Variants in NRG1 observed in about 807,000 individuals in gnomAD.
The protein encoded by NRG1 is neuregulin 1.
NRG1 carries 18 observed loss-of-function variants against 63.8 expected under a neutral mutation model. The observed-to-expected ratio is 0.28, with a 90% confidence interval of 0.19 to 0.42. NRG1 has a LOEUF of 0.42. Ranked by LOEUF, NRG1 falls within the 10% of genes least tolerant of loss-of-function variation. The probability of loss-of-function intolerance (pLI) is 1.00; values close to 1 mark genes in which losing one functional copy is unlikely to be tolerated. For synonymous variants in NRG1, 302 were observed against 301.3 expected (o/e 1.00, Z -0.02); for missense variants, 762 against 814.7 (o/e 0.94, Z 0.79).
intron 1 of NRG1, among the ~76,000 whole-genome samples, chr8:31,962,827 G>A (rs1379543212): frequency 6.6e-6 from 1 of 152,122 alleles, no homozygotes; most frequent in African/African-American, 2.4e-5. Flanking sequence ...TCTCCCTGAA[G>A]CTTGGGAGCT....
intron 1 of NRG1, among the ~76,000 whole-genome samples, chr8:32,581,294 G>T (rs1370512656): frequency 6.6e-6 from 1 of 152,192 alleles, no homozygotes; most frequent in African/African-American, 2.4e-5. Flanking sequence ...GCCAGAAGAA[G>T]AATATAGAGC....
At chr8:32,499,038 T>G (rs1827550309) in intron 1 of NRG1, among the ~76,000 whole-genome samples, 1 of 152,158 alleles carries the variant, frequency 6.6e-6, no homozygotes, top group East Asian at 1.9e-4. Context: ...AAGATTTGGG[T>G]TAGTTCCTGA....
intron 1 of NRG1, among the ~76,000 whole-genome samples, chr8:32,497,849 G>A (rs1156533800): frequency 6.6e-6 from 1 of 152,140 alleles, no homozygotes. Context: ...TTGAGACAGA[G>A]TTTCACTCTT....
chr8:32,178,980 C>T (rs1208422573), intron 1 of NRG1, among the ~76,000 whole-genome samples: 1 of 151,678 alleles, frequency 6.6e-6, no homozygotes, highest in Admixed American at 6.6e-5. Flanking sequence ...TGTGAAGAAC[C>T]ACATGCTCTT....
rs768369747 is a variant in NRG1, at chr8:31,758,535, AT to A, written c.37+119105del. ...ACACACCATGGAATACTGTGCAGCCATAAAAAAGGATGAGTTCATGTCCTTT... is the reference window on the plus strand; with the variant it reads ...ACACACCATGGAATACTGTGCAGCCAAAAAAAGGATGAGTTCATGTCCTTT... On this transcript the variant is annotated intron_variant, in intron 1 of 10. Coordinates refer to the NRG1 transcript ENST00000519301. 1.1e-3 allele frequency among the ~76,000 whole-genome samples: 173 copies of A among 152,320 alleles called. 2 individuals are homozygous for A. The highest frequency in any genetic ancestry group is 3.4e-3 in the Middle Eastern group (1 of 294).
chr8:32,439,315 ATT>A (rs1819207552), intron 1 of NRG1, among the ~76,000 whole-genome samples: 1 of 152,202 alleles, frequency 6.6e-6, no homozygotes, highest in Non-Finnish European at 1.5e-5. Context: ...AAAACTCATA[ATT>A]TGTCATTTCT....
At chr8:31,838,785 A>G (rs1825917239) in intron 1 of NRG1, among the ~76,000 whole-genome samples, 1 of 152,184 alleles carries the variant, frequency 6.6e-6, no homozygotes, top group South Asian at 2.1e-4. Context: ...TAGAAAAAAA[A>G]TATTTTAGCA....
chr8:31,689,741 A>C (rs1227627022), intron 1 of NRG1, among the ~76,000 whole-genome samples: 9 of 152,186 alleles, frequency 5.9e-5, no homozygotes, highest in Non-Finnish European at 1.0e-4. Context: ...AACATTTGGG[A>C]TATATAAATT....
chr8:32,588,977 CACA>C (rs1457797909), intron 1 of NRG1, among the ~76,000 whole-genome samples: 4 of 152,130 alleles, frequency 2.6e-5, no homozygotes, highest in Non-Finnish European at 4.4e-5. Flanking sequence ...GCGGGGTGAG[CACA>C]ACATCACCAC....
intron 1 of NRG1, among the ~76,000 whole-genome samples, chr8:32,569,929 A>G (rs57935759): frequency 0.021 from 2,548 of 119,266 alleles, 89 homozygotes; most frequent in African/African-American, 0.078. Context: ...TTTTTTTGAG[A>G]TGGAGTCTTG....
intron 1 of NRG1, among the ~76,000 whole-genome samples, chr8:32,074,536 G>A (rs1398326459): frequency 6.6e-6 from 1 of 152,192 alleles, no homozygotes; most frequent in African/African-American, 2.4e-5. Flanking sequence ...GTTCTTGAAA[G>A]CCTCTACGTC....
intron 1 of NRG1, among the ~76,000 whole-genome samples, chr8:32,520,704 T>A (rs1041266370): frequency 2.0e-4 from 30 of 152,250 alleles, no homozygotes; most frequent in African/African-American, 7.2e-4. Flanking sequence ...GTTTTGCTTT[T>A]GGCAGTTTCA....
chr8:32,303,140 C>A (rs1855773940), intron 1 of NRG1, among the ~76,000 whole-genome samples: 1 of 132,984 alleles, frequency 7.5e-6, no homozygotes, highest in African/African-American at 2.8e-5. Flanking sequence ...CAGATTGCAC[C>A]ATTGCACTCC....
At chr8:32,359,709 C>T (rs1487152) in intron 1 of NRG1, among the ~76,000 whole-genome samples, 80,515 of 151,954 alleles carry the variant, frequency 0.53, 21,719 homozygotes, top group East Asian at 0.74. Context: ...TGAACATTTT[C>T]GGAATCTGAA....
intron 1 of NRG1, among the ~76,000 whole-genome samples, chr8:32,036,267 T>C (rs1215344969): frequency 6.6e-6 from 1 of 152,210 alleles, no homozygotes; most frequent in Non-Finnish European, 1.5e-5. Flanking sequence ...CCCAATCTCT[T>C]CTGGCTTTTT....
At chr8:32,455,317 C>T (rs116448636) in intron 1 of NRG1, among the ~76,000 whole-genome samples, 1,700 of 152,260 alleles carry the variant, frequency 0.011, 30 homozygotes, top group African/African-American at 0.039. Context: ...AAATAGTGCA[C>T]ATTCAATACT....
intron 1 of NRG1, among the ~76,000 whole-genome samples, chr8:31,647,618 T>C (rs1238244836): frequency 6.6e-6 from 1 of 152,084 alleles, no homozygotes; most frequent in Admixed American, 6.5e-5. Flanking sequence ...TGGGGCCCCT[T>C]GGTGGTTGCC....
chr8:32,183,668 C>T (rs1342715078), intron 1 of NRG1, among the ~76,000 whole-genome samples: 1 of 152,152 alleles, frequency 6.6e-6, no homozygotes, highest in Non-Finnish European at 1.5e-5. Flanking sequence ...TAAATTTGGT[C>T]TTCATTAATC....
chr8:32,547,687 T>G (rs1350602404), upstream of NRG1, among the ~76,000 whole-genome samples: 1 of 151,916 alleles, frequency 6.6e-6, no homozygotes, highest in East Asian at 1.9e-4. Flanking sequence ...CGCTTAGCCC[T>G]TCCTGTGCAC....
Sources: gnomAD v4.1 joint callset for allele counts (sites outside exome capture counted in the v4.1 genomes callset) on GRCh38, gnomAD v4.1.1 for gene constraint, MANE v1.5 for transcripts, NCBI Gene and HGNC (gene_info 2026-07-23, HGNC 2026-07-21) for gene names.